OCA2: variants seen among roughly 807,000 people sequenced by gnomAD.
OCA2 encodes P protein.
In OCA2, 77 loss-of-function variants were observed where a neutral mutation model predicts 100.2. The observed-to-expected ratio is 0.77, with a 90% confidence interval of 0.64 to 0.93. OCA2 has a LOEUF of 0.93. OCA2 is among the 40% of genes least tolerant of loss of function. The pLI, the probability that OCA2 is intolerant of heterozygous loss-of-function variation, is 0.00. For synonymous variants in OCA2, 432 were observed against 439.2 expected (o/e 0.98, Z 0.21); for missense variants, 1,062 against 1,089.1 (o/e 0.98, Z 0.35).
intron 23 of OCA2, among the ~76,000 whole-genome samples, chr15:27,832,391 C>G (rs145062436): frequency 6.6e-6 from 1 of 152,362 alleles, no homozygotes; most frequent in Non-Finnish European, 1.5e-5. Context: ...TGCTTAAAGC[C>G]CTTCCCTGCA....
intron 2 of OCA2, among the ~76,000 whole-genome samples, chr15:28,066,355 C>A (rs185483587): frequency 2.0e-5 from 3 of 152,236 alleles, no homozygotes; most frequent in Admixed American, 1.3e-4. Flanking sequence ...GAATCCTCCC[C>A]TTGGCCAAGG....
intron 17 of OCA2, 23 bp from the exon 18 acceptor site, chr15:27,951,915 C>T (rs372891955): frequency 6.7e-7 from 1 of 1,501,548 alleles, no homozygotes; most frequent in African/African-American, 1.4e-5. Context: ...AACCACAGCT[C>T]ATTTACTCTG....
intron 21 of OCA2, among the ~76,000 whole-genome samples, chr15:27,869,682 G>A (rs1376579716): frequency 6.6e-6 from 1 of 152,224 alleles, no homozygotes; most frequent in Non-Finnish European, 1.5e-5. Context: ...AGGGTCAGAA[G>A]GAAGCACTGA....
chr15:28,057,705 C>T (rs780306510), intron 2 of OCA2, among the ~76,000 whole-genome samples: 12 of 152,246 alleles, frequency 7.9e-5, no homozygotes, highest in Non-Finnish European at 1.3e-4. Context: ...AGACACACTC[C>T]CTGCTCTCAG....
In OCA2 at chr15:27,868,126, G is replaced by A. The variant is rs1338861762; in HGVS notation, c.2244+3028C>T. ...GAAGCTGACATGCAGCTTTTTAGGC[G>A]TGCAGCTGGAGAAAAACAGTCACAT... On this transcript the variant is annotated intron_variant, in intron 21 of 23. Transcript: ENST00000354638. 5.3e-5 allele frequency among the ~76,000 whole-genome samples: 8 copies of A among 152,298 alleles called. 1 individual carries two copies. In the South Asian group the frequency reaches 1.2e-3, roughly 24 times the overall value.
chr15:27,880,697 CACAT>C (rs2036979459), intron 19 of OCA2, among the ~76,000 whole-genome samples: 1 of 152,086 alleles, frequency 6.6e-6, no homozygotes, highest in African/African-American at 2.4e-5. Context: ...GTGATTCTTG[CACAT>C]TGTTTTTGTA....
At chr15:27,726,446 A>G in the OCA2 span, among the ~76,000 whole-genome samples, 1 of 152,230 alleles carries the variant, frequency 6.6e-6, no homozygotes, top group Admixed American at 6.5e-5. Flanking sequence ...CTCAATACAA[A>G]GAAAGAGGCA....
At chr15:27,828,840 C>T (rs2034833683) in intron 23 of OCA2, among the ~76,000 whole-genome samples, 1 of 152,150 alleles carries the variant, frequency 6.6e-6, no homozygotes, top group Non-Finnish European at 1.5e-5. Flanking sequence ...GGAAGAAGAC[C>T]TGGCTCTCCG....
intron 2 of OCA2, among the ~76,000 whole-genome samples, chr15:28,070,546 T>C: frequency 7.4e-6 from 1 of 135,762 alleles, no homozygotes; most frequent in Non-Finnish European, 1.6e-5. Context: ...GGTGGGGGGG[T>C]CAGCCCTCCG....
At chr15:28,054,222 A>G (rs376379509) in intron 2 of OCA2, among the ~76,000 whole-genome samples, 1 of 149,030 alleles carries the variant, frequency 6.7e-6, no homozygotes, top group Non-Finnish European at 1.5e-5. Context: ...ATGTATGTGT[A>G]TGTGTGTATG....
intron 19 of OCA2, among the ~76,000 whole-genome samples, chr15:27,883,819 C>A (rs2037119455): frequency 6.6e-6 from 1 of 152,148 alleles, no homozygotes; most frequent in African/African-American, 2.4e-5. Flanking sequence ...CTCATGATGT[C>A]CTGTCTCATT....
At chr15:28,066,046 C>A (rs1453273973) in intron 2 of OCA2, among the ~76,000 whole-genome samples, 2 of 152,072 alleles carry the variant, frequency 1.3e-5, no homozygotes, top group Admixed American at 6.5e-5. Flanking sequence ...AGTTGCTATA[C>A]TTAATAAGTT....
intron 3 of OCA2, among the ~76,000 whole-genome samples, chr15:28,029,193 T>C (rs1403629692): frequency 3.9e-5 from 6 of 152,238 alleles, no homozygotes; most frequent in Non-Finnish European, 7.3e-5. Flanking sequence ...TGAACACTTA[T>C]GACTGCTTTA....
chr15:27,821,938 G>T (rs756258109), intron 23 of OCA2, among the ~76,000 whole-genome samples: 85 of 152,114 alleles, frequency 5.6e-4, no homozygotes, highest in Admixed American at 4.0e-3. Context: ...CATGGATCTG[G>T]CAACTTAACT....
chr15:27,741,554 CA>C, the OCA2 span, among the ~76,000 whole-genome samples: 1 of 152,166 alleles, frequency 6.6e-6, no homozygotes, highest in Admixed American at 6.5e-5. Context: ...TACGGTTGGG[CA>C]AGTCAAGTTA....
At chr15:28,056,631 T>C (rs1382616797) in intron 2 of OCA2, among the ~76,000 whole-genome samples, 1 of 152,234 alleles carries the variant, frequency 6.6e-6, no homozygotes, top group Non-Finnish European at 1.5e-5. Context: ...GCATCAGCAG[T>C]GGACATGTGT....
At chr15:28,026,808 C>T (rs1267364741) in intron 4 of OCA2, among the ~76,000 whole-genome samples, 2 of 152,200 alleles carry the variant, frequency 1.3e-5, no homozygotes, top group Admixed American at 6.5e-5. Flanking sequence ...CGAGCATCTT[C>T]AGAAAAGACT....
At chr15:27,726,699 A>T in the OCA2 span, among the ~76,000 whole-genome samples, 4 of 152,358 alleles carry the variant, frequency 2.6e-5, no homozygotes, top group East Asian at 5.8e-4. Flanking sequence ...GGGACAGGGC[A>T]TATGTAACAA....
At chr15:27,927,837 G>T (rs138711542) in intron 18 of OCA2, among the ~76,000 whole-genome samples, 1,655 of 136,280 alleles carry the variant, frequency 0.012, 24 homozygotes, top group African/African-American at 0.038. Flanking sequence ...TGTGGCCCAG[G>T]CTGGAGTGCA....
Sources: allele counts gnomAD v4.1 joint callset (sites outside exome capture counted in the v4.1 genomes callset), GRCh38; gene constraint gnomAD v4.1.1; transcripts MANE v1.5; gene names NCBI Gene and HGNC (gene_info 2026-07-23, HGNC 2026-07-21).